Variants in C12orf54 observed in about 807,000 individuals in gnomAD.
C12orf54 encodes the protein chromosome 12 open reading frame 54.
Under a neutral mutation model 26.4 loss-of-function variants are expected in C12orf54, and 24 were observed. The ratio of observed to expected loss-of-function variants is 0.91; its 90% CI spans 0.66 to 1.28. The LOEUF is 1.28. Ranked by LOEUF, C12orf54 falls within the 50% of genes most tolerant of loss-of-function variation. The pLI is 0.00. For synonymous variants in C12orf54, 54 were observed against 47.0 expected, an observed-to-expected ratio of 1.15 and a Z score of -0.61; for missense variants, 154 against 150.9, an observed-to-expected ratio of 1.02 and a Z score of -0.11.
the C12orf54 span, among the ~76,000 whole-genome samples, chr12:48,452,304 C>G: frequency 1.3e-5 from 2 of 152,050 alleles, no homozygotes; most frequent in African/African-American, 4.8e-5. Context: ...GAAACTGGAC[C>G]CCTTCCTCAC....
At chr12:48,417,338 T>A in the C12orf54 span, 4 of 152,188 alleles carry the variant, frequency 2.6e-5, no homozygotes, top group Non-Finnish European at 5.9e-5. Flanking sequence ...TTCCTCAGAA[T>A]CAAACAGAAA....
chr12:48,460,451 A>G, the C12orf54 span, among the ~76,000 whole-genome samples: 3 of 152,260 alleles, frequency 2.0e-5, no homozygotes, highest in East Asian at 5.8e-4. Context: ...AGAGTCCTCC[A>G]GGGAGAAGGA....
chr12:48,476,378 C>T, the C12orf54 span, among the ~76,000 whole-genome samples: 1 of 152,178 alleles, frequency 6.6e-6, no homozygotes, highest in African/African-American at 2.4e-5. Context: ...ATGACAGGAT[C>T]AAATTCACAC....
At chr12:48,435,392 A>G in the C12orf54 span, among the ~76,000 whole-genome samples, 32 of 152,352 alleles carry the variant, frequency 2.1e-4, no homozygotes, top group African/African-American at 7.5e-4. Context: ...CAACATTCAA[A>G]TTCAGGAAAT....
intron 7 of C12orf54, among the ~76,000 whole-genome samples, chr12:48,494,367 G>T (rs1428931655): frequency 6.6e-6 from 1 of 152,098 alleles, no homozygotes; most frequent in Non-Finnish European, 1.5e-5. Context: ...TAAAGAGATG[G>T]ATTCTTATGC....
the C12orf54 span, among the ~76,000 whole-genome samples, chr12:48,449,848 A>G: frequency 6.6e-6 from 1 of 152,132 alleles, no homozygotes; most frequent in Non-Finnish European, 1.5e-5. Flanking sequence ...CTCAACTTGA[A>G]TTGTATCTCC....
At chr12:48,459,414 G>A in the C12orf54 span, among the ~76,000 whole-genome samples, 1 of 151,766 alleles carries the variant, frequency 6.6e-6, no homozygotes, top group African/African-American at 2.4e-5. Flanking sequence ...AAAACAGTGT[G>A]ATTCATCATG....
chr12:48,427,332 T>A, the C12orf54 span, among the ~76,000 whole-genome samples: 1 of 152,202 alleles, frequency 6.6e-6, no homozygotes, highest in Non-Finnish European at 1.5e-5. Context: ...TCTATTGAGA[T>A]AATCATGTGG....
the C12orf54 span, among the ~76,000 whole-genome samples, chr12:48,436,955 A>T: frequency 6.6e-6 from 1 of 152,200 alleles, no homozygotes; most frequent in African/African-American, 2.4e-5. Flanking sequence ...CAAAAAATCA[A>T]TGCATCCAGG....
chr12:48,447,700 C>T, the C12orf54 span, among the ~76,000 whole-genome samples: 1 of 152,130 alleles, frequency 6.6e-6, no homozygotes, highest in Non-Finnish European at 1.5e-5. Flanking sequence ...TAAAGATGTC[C>T]ATGCCCTAAT....
chr12:48,465,983 G>T, the C12orf54 span, among the ~76,000 whole-genome samples: 152 of 152,236 alleles, frequency 1.0e-3, no homozygotes, highest in African/African-American at 3.6e-3. Context: ...CTGAAATTAT[G>T]AAACTTCTAA....
At chr12:48,444,739 T>C in the C12orf54 span, among the ~76,000 whole-genome samples, 8 of 152,228 alleles carry the variant, frequency 5.3e-5, no homozygotes, top group African/African-American at 1.4e-4. Context: ...ACTATGGTTA[T>C]TGATACAATC....
chr12:48,492,282 A>G (rs1295852399), intron 6 of C12orf54, among the ~76,000 whole-genome samples: 2 of 152,186 alleles, frequency 1.3e-5, no homozygotes, highest in Non-Finnish European at 2.9e-5. Flanking sequence ...AACCTGGCCC[A>G]TCACCTCCAC....
the C12orf54 span, among the ~76,000 whole-genome samples, chr12:48,448,122 C>A: frequency 6.6e-6 from 1 of 152,184 alleles, no homozygotes; most frequent in Non-Finnish European, 1.5e-5. Context: ...AGGAATGCAG[C>A]CCTGATGACA....
the C12orf54 span, among the ~76,000 whole-genome samples, chr12:48,441,408 A>C: frequency 2.8e-4 from 42 of 152,280 alleles, no homozygotes; most frequent in Admixed American, 2.0e-3. Flanking sequence ...GGTTGCAGTG[A>C]ATAGAGACCG....
intron 2 of C12orf54, chr12:48,483,578 A>G (rs972990467): frequency 7.4e-5 from 38 of 511,994 alleles, no homozygotes; most frequent in African/African-American, 6.6e-4. Context: ...TCAGGCATCA[A>G]TTGCAATTCC....
chr12:48,484,252 A>G (rs1047576622), intron 2 of C12orf54, among the ~76,000 whole-genome samples: 31 of 152,224 alleles, frequency 2.0e-4, no homozygotes, highest in African/African-American at 7.5e-4. Context: ...AAGCTGCCTG[A>G]AAGTGCTCAG....
At chr12:48,462,461 A>G in the C12orf54 span, among the ~76,000 whole-genome samples, 1 of 151,742 alleles carries the variant, frequency 6.6e-6, no homozygotes. Flanking sequence ...GAGCAATATC[A>G]TTCATAAACA....
chr12:48,418,027 A>C, the C12orf54 span, among the ~76,000 whole-genome samples: 1 of 152,204 alleles, frequency 6.6e-6, no homozygotes, highest in Non-Finnish European at 1.5e-5. Flanking sequence ...CTAGAAAAAA[A>C]AATTTAGATA....
Sources: allele counts gnomAD v4.1 joint callset (sites outside exome capture counted in the v4.1 genomes callset), GRCh38; gene constraint gnomAD v4.1.1; transcripts MANE v1.5; gene names NCBI Gene and HGNC (gene_info 2026-07-23, HGNC 2026-07-21).